FHIT: variants seen among roughly 807,000 people sequenced by gnomAD.
FHIT encodes bis(5'-adenosyl)-triphosphatase.
Under a neutral mutation model 17.9 loss-of-function variants are expected in FHIT, and 19 were observed. The ratio of observed to expected loss-of-function variants is 1.06; its 90% CI spans 0.74 to 1.56. FHIT has a LOEUF of 1.56. FHIT is among the 40% of genes most tolerant of loss of function. The probability of loss-of-function intolerance (pLI) is 0.00; values close to 1 mark genes in which losing one functional copy is unlikely to be tolerated. For missense variants in FHIT, 248 were observed against 189.2 expected (o/e 1.31, Z -1.82); for synonymous variants, 81 against 69.7 (o/e 1.16, Z -0.81).
At position 61,146,473 on chromosome 3, in the gene FHIT, C is replaced by T. The variant is rs1004491620; in HGVS notation, c.-164+54144G>A. 2.6e-5 allele frequency among the ~76,000 whole-genome samples: 4 copies of T among 152,004 alleles called. No homozygotes were observed. The South Asian group carries it at 6.2e-4, about 24-fold the overall frequency. On this transcript the variant is annotated intron_variant, in intron 2 of 9. Transcript: ENST00000492590. ...TAAAATCTATGATCTCACTTGCAAA[C>T]GACAGTTTGACAAGCTATTATTCTG...
At chr3:60,561,362 C>T (rs1294211784) in intron 4 of FHIT, among the ~76,000 whole-genome samples, 1 of 152,092 alleles carries the variant, frequency 6.6e-6, no homozygotes, top group African/African-American at 2.4e-5. Context: ...CAGGTCATTT[C>T]TTCTCTCATT....
chr3:60,364,205 T>C (rs1290939097), intron 5 of FHIT, among the ~76,000 whole-genome samples: 1 of 152,254 alleles, frequency 6.6e-6, no homozygotes, highest in Non-Finnish European at 1.5e-5. Context: ...ATAATTGTTC[T>C]CCAGTCATTC....
chr3:61,214,965 T>C (rs1220252473), intron 1 of FHIT, among the ~76,000 whole-genome samples: 2 of 151,782 alleles, frequency 1.3e-5, no homozygotes, highest in Non-Finnish European at 2.9e-5. Context: ...CAACTCTTCA[T>C]GCTAAAAACT....
intron 5 of FHIT, among the ~76,000 whole-genome samples, chr3:60,061,532 T>C (rs944436094): frequency 3.3e-5 from 5 of 152,218 alleles, no homozygotes; most frequent in African/African-American, 1.2e-4. Flanking sequence ...TTTTTGCATT[T>C]CGATTCCCTG....
At chr3:61,127,691 C>T (rs1459258255) in intron 2 of FHIT, among the ~76,000 whole-genome samples, 2 of 151,460 alleles carry the variant, frequency 1.3e-5, no homozygotes, top group Non-Finnish European at 2.9e-5. Flanking sequence ...ATGGTGAAAC[C>T]CCATCTCTAC....
intron 7 of FHIT, among the ~76,000 whole-genome samples, chr3:59,945,349 T>C (rs1706746948): frequency 6.6e-6 from 1 of 152,210 alleles, no homozygotes; most frequent in African/African-American, 2.4e-5. Context: ...TTCATGTCCT[T>C]TGCCAACTTT....
At chr3:59,768,583 C>G (rs1042316619) in intron 8 of FHIT, among the ~76,000 whole-genome samples, 1 of 152,200 alleles carries the variant, frequency 6.6e-6, no homozygotes, top group African/African-American at 2.4e-5. Flanking sequence ...AAAATCATGT[C>G]TTTTCACAAT....
intron 2 of FHIT, among the ~76,000 whole-genome samples, chr3:61,058,846 A>C (rs2034321847): frequency 6.6e-6 from 1 of 152,212 alleles, no homozygotes; most frequent in Non-Finnish European, 1.5e-5. Flanking sequence ...TTTACAAATA[A>C]ACAATGTCCA....
intron 2 of FHIT, among the ~76,000 whole-genome samples, chr3:61,110,560 C>G (rs1401184433): frequency 6.6e-6 from 1 of 152,092 alleles, no homozygotes; most frequent in Non-Finnish European, 1.5e-5. Context: ...TCGTCACTAT[C>G]TGTCTTCCAA....
intron 5 of FHIT, among the ~76,000 whole-genome samples, chr3:60,132,539 A>G (rs1039409828): frequency 3.9e-5 from 6 of 152,334 alleles, no homozygotes; most frequent in African/African-American, 1.4e-4. Flanking sequence ...AAAGCCCTTT[A>G]ACATATTTAA....
chr3:59,815,384 TACC>T (rs753798137), intron 8 of FHIT, among the ~76,000 whole-genome samples: 1 of 152,184 alleles, frequency 6.6e-6, no homozygotes, highest in Non-Finnish European at 1.5e-5. Context: ...GCTGGGTATC[TACC>T]TAGAGGAAAA....
chr3:60,819,132 A>G (rs1701841542), intron 4 of FHIT, among the ~76,000 whole-genome samples: 1 of 151,880 alleles, frequency 6.6e-6, no homozygotes, highest in Non-Finnish European at 1.5e-5. Context: ...CATATTGGAA[A>G]TGGAAACAAG....
intron 5 of FHIT, among the ~76,000 whole-genome samples, chr3:60,146,343 A>G (rs1247865589): frequency 6.6e-6 from 1 of 151,944 alleles, no homozygotes; most frequent in Non-Finnish European, 1.5e-5. Flanking sequence ...ATTCCTGAAC[A>G]TTTAACAATA....
rs149363145 is a variant in FHIT, at chr3:60,334,623, C to T, written c.103+202237G>A. ...CAACACAGTGAAATGCCATCTCTAACAAAAATACAAAATATTAGCCAGGTG... is the reference window on the plus strand; with the variant it reads ...CAACACAGTGAAATGCCATCTCTAATAAAAATACAAAATATTAGCCAGGTG... On this transcript the variant is annotated intron_variant, in intron 5 of 9. Coordinates refer to ENST00000492590, the MANE Select transcript of FHIT (RefSeq NM_002012.4). Among the ~76,000 whole-genome samples, 469 of 152,208 alleles carry T rather than the reference C, an allele frequency of 3.1e-3. 1 individual carries two copies. Among genetic ancestry groups the T allele is most frequent in the African/African-American group, 0.011 (449 of 41,530 alleles).
chr3:60,051,106 T>A (rs1005933523), intron 5 of FHIT, among the ~76,000 whole-genome samples: 4 of 152,160 alleles, frequency 2.6e-5, no homozygotes, highest in African/African-American at 9.7e-5. Context: ...AGGGAGCTTC[T>A]GGTCTGCATA....
intron 5 of FHIT, among the ~76,000 whole-genome samples, chr3:60,282,152 T>C (rs1707491058): frequency 6.6e-6 from 1 of 152,174 alleles, no homozygotes; most frequent in Admixed American, 6.5e-5. Context: ...GTAACCAAGT[T>C]CCTAAGCATT....
chr3:60,713,987 G>T (rs1378822567), intron 4 of FHIT, among the ~76,000 whole-genome samples: 1 of 151,850 alleles, frequency 6.6e-6, no homozygotes, highest in Non-Finnish European at 1.5e-5. Flanking sequence ...CCAAAAAAGA[G>T]AATTTTAGAC....
At chr3:61,239,559 T>C (rs953705990) in intron 1 of FHIT, among the ~76,000 whole-genome samples, 5 of 151,984 alleles carry the variant, frequency 3.3e-5, no homozygotes, top group African/African-American at 1.2e-4. Flanking sequence ...TATCACAGTA[T>C]CTTATAATCT....
At chr3:60,056,682 A>C (rs1702097025) in intron 5 of FHIT, among the ~76,000 whole-genome samples, 1 of 152,250 alleles carries the variant, frequency 6.6e-6, no homozygotes, top group Admixed American at 6.5e-5. Flanking sequence ...AGGAAAGCAG[A>C]AGCATTTCTC....
Sources: gnomAD v4.1 joint callset for allele counts (sites outside exome capture counted in the v4.1 genomes callset) on GRCh38, gnomAD v4.1.1 for gene constraint, MANE v1.5 for transcripts, NCBI Gene and HGNC (gene_info 2026-07-23, HGNC 2026-07-21) for gene names.